Variants in SPMAP2L observed in about 807,000 individuals in gnomAD.
SPMAP2L encodes sperm microtubule associated protein 2 like.
the SPMAP2L span, among the ~76,000 whole-genome samples, chr4:56,617,547 A>C: frequency 6.6e-6 from 1 of 152,116 alleles, no homozygotes; most frequent in Non-Finnish European, 1.5e-5. Context: ...GGGAGCATAC[A>C]GATGGGCAGG....
At chr4:56,592,138 C>T in the SPMAP2L span, among the ~76,000 whole-genome samples, 1 of 152,100 alleles carries the variant, frequency 6.6e-6, no homozygotes, top group Non-Finnish European at 1.5e-5. Flanking sequence ...GAGCGTGAAC[C>T]CTATTGTTAA....
At chr4:56,578,412 G>A in the SPMAP2L span, among the ~76,000 whole-genome samples, 1 of 151,696 alleles carries the variant, frequency 6.6e-6, no homozygotes, top group East Asian at 1.9e-4. Context: ...CACAAAAGAA[G>A]GAAGAAATGA....
chr4:56,547,938 A>T, the SPMAP2L span, among the ~76,000 whole-genome samples: 1 of 152,224 alleles, frequency 6.6e-6, no homozygotes, highest in Admixed American at 6.5e-5. Flanking sequence ...ACTGTTAAAG[A>T]TACCACAATG....
chr4:56,539,525 G>T, the SPMAP2L span, among the ~76,000 whole-genome samples: 3 of 152,090 alleles, frequency 2.0e-5, no homozygotes, highest in African/African-American at 7.2e-5. Context: ...AGGTTCAAGC[G>T]ATTCTCCTGC....
At chr4:56,573,406 A>C in the SPMAP2L span, among the ~76,000 whole-genome samples, 3 of 152,108 alleles carry the variant, frequency 2.0e-5, no homozygotes, top group Non-Finnish European at 2.9e-5. Context: ...ACCTGAGAGA[A>C]TGTTGAGTAG....
chr4:56,564,815 TCC>T, the SPMAP2L span, among the ~76,000 whole-genome samples: 1 of 152,236 alleles, frequency 6.6e-6, no homozygotes, highest in African/African-American at 2.4e-5. Context: ...TGATGCATTT[TCC>T]TCTAAGTATT....
chr4:56,585,022 G>A, the SPMAP2L span, among the ~76,000 whole-genome samples: 1,036 of 152,260 alleles, frequency 6.8e-3, 13 homozygotes, highest in African/African-American at 0.023. Context: ...AACCTCTTCC[G>A]ATGGAGGAAA....
At chr4:56,558,262 C>T in the SPMAP2L span, among the ~76,000 whole-genome samples, 6 of 152,288 alleles carry the variant, frequency 3.9e-5, no homozygotes, top group Non-Finnish European at 7.4e-5. Flanking sequence ...TGAGCCACCA[C>T]GTCCAGCCAC....
the SPMAP2L span, among the ~76,000 whole-genome samples, chr4:56,583,086 A>G: frequency 6.6e-6 from 1 of 152,234 alleles, no homozygotes; most frequent in Non-Finnish European, 1.5e-5. Context: ...CAGCCTGGCC[A>G]ACATGGTGAA....
the SPMAP2L span, among the ~76,000 whole-genome samples, chr4:56,619,786 G>A: frequency 4.6e-4 from 70 of 152,268 alleles, no homozygotes; most frequent in African/African-American, 1.6e-3. Flanking sequence ...AAGGCAATCC[G>A]TGAAGTGGGA....
the SPMAP2L span, chr4:56,592,889 A>G: frequency 2.5e-6 from 4 of 1,608,418 alleles, no homozygotes; most frequent in Admixed American, 5.0e-5. Context: ...CCAGAGAGAG[A>G]TGCTGCAGAT....
chr4:56,597,812 T>C, the SPMAP2L span, among the ~76,000 whole-genome samples: 3 of 152,162 alleles, frequency 2.0e-5, no homozygotes, highest in East Asian at 5.8e-4. Context: ...TCAAGACTAC[T>C]GAGAGTGGTG....
chr4:56,594,170 T>C, the SPMAP2L span: 4 of 1,612,230 alleles, frequency 2.5e-6, no homozygotes, highest in Non-Finnish European at 3.4e-6. Flanking sequence ...GGGAGAGGAG[T>C]GCAGAGGTAT....
chr4:56,594,017 G>A, the SPMAP2L span: 285 of 1,610,972 alleles, frequency 1.8e-4, no homozygotes, highest in East Asian at 1.7e-3. Context: ...GGGCAGGGCC[G>A]CTCAGCGGCA....
chr4:56,566,232 CTT>C, the SPMAP2L span, among the ~76,000 whole-genome samples: 2 of 151,848 alleles, frequency 1.3e-5, no homozygotes, highest in African/African-American at 4.8e-5. Flanking sequence ...GAGTTTTGCT[CTT>C]GTTGCCCAGG....
At chr4:56,611,305 A>G in the SPMAP2L span, among the ~76,000 whole-genome samples, 1 of 152,170 alleles carries the variant, frequency 6.6e-6, no homozygotes, top group East Asian at 1.9e-4. Flanking sequence ...CCTGAATGAG[A>G]CTGGAGACTA....
chr4:56,566,181 CCTT>C, the SPMAP2L span, among the ~76,000 whole-genome samples: 41 of 152,008 alleles, frequency 2.7e-4, no homozygotes, highest in African/African-American at 9.6e-4. Flanking sequence ...CTCTTTGTTG[CCTT>C]CTTATTTATT....
the SPMAP2L span, chr4:56,593,653 AT>A: frequency 1.9e-6 from 3 of 1,605,542 alleles, no homozygotes; most frequent in Non-Finnish European, 2.6e-6. Flanking sequence ...CCCACGCAGC[AT>A]TTTTTGCCGT....
chr4:56,594,335 A>G, the SPMAP2L span: 4 of 1,524,958 alleles, frequency 2.6e-6, no homozygotes, highest in African/African-American at 2.7e-5. Context: ...ATCCTGCACC[A>G]TGAAACTGAA....
Sources: allele counts gnomAD v4.1 joint callset (sites outside exome capture counted in the v4.1 genomes callset), GRCh38; gene constraint gnomAD v4.1.1; transcripts MANE v1.5; gene names NCBI Gene and HGNC (gene_info 2026-07-23, HGNC 2026-07-21).